LARGE1: variants seen among roughly 807,000 people sequenced by gnomAD.
LARGE1 encodes the protein xylosyl- and glucuronyltransferase LARGE1.
LARGE1 carries 43 observed loss-of-function variants against 87.6 expected under a neutral mutation model. The ratio of observed to expected loss-of-function variants is 0.49; its 90% CI spans 0.38 to 0.63. LARGE1 has a LOEUF of 0.63. Among genes scored for constraint, LARGE1 ranks in the 30% least tolerant of loss-of-function variants. The pLI, the probability that LARGE1 is intolerant of heterozygous loss-of-function variation, is 0.00. For missense variants in LARGE1, 802 were observed against 1,000.2 expected (o/e 0.80, Z 2.67); for synonymous variants, 434 against 394.6 (o/e 1.10, Z -1.18).
At chr22:33,234,739 C>G (rs767348460) in intron 11 of LARGE1, among the ~76,000 whole-genome samples, 54 of 152,040 alleles carry the variant, frequency 3.6e-4, no homozygotes, top group Non-Finnish European at 7.2e-4. Context: ...CAGGTTTTCT[C>G]CATGTTGGCC....
intron 6 of LARGE1, among the ~76,000 whole-genome samples, chr22:33,501,297 C>T (rs1435005406): frequency 2.6e-5 from 4 of 152,188 alleles, no homozygotes; most frequent in African/African-American, 7.2e-5. Context: ...GGGAAAGGGG[C>T]TGCTCCTCAC....
chr22:33,424,317 G>C (rs911380092), intron 7 of LARGE1, among the ~76,000 whole-genome samples: 14 of 152,286 alleles, frequency 9.2e-5, no homozygotes, highest in African/African-American at 3.1e-4. Flanking sequence ...CACTTCCAAA[G>C]AGAAAAAGTG....
intron 7 of LARGE1, among the ~76,000 whole-genome samples, chr22:33,415,323 G>T (rs2066447915): frequency 6.6e-6 from 1 of 152,230 alleles, no homozygotes; most frequent in South Asian, 2.1e-4. Flanking sequence ...AGCTAACCTG[G>T]AAATAGAATC....
intron 11 of LARGE1, chr22:33,221,790 C>T (rs1174431855): frequency 1.3e-5 from 2 of 152,240 alleles, no homozygotes; most frequent in African/African-American, 2.4e-5. Flanking sequence ...AGATATGAAA[C>T]TTCCTGAAAC....
At chr22:33,865,376 T>G (rs966368239) in intron 1 of LARGE1, among the ~76,000 whole-genome samples, 1 of 152,178 alleles carries the variant, frequency 6.6e-6, no homozygotes, top group African/African-American at 2.4e-5. Context: ...AACATCCTGG[T>G]AGGGAATATT....
chr22:33,508,719 C>T (rs1225838517), intron 6 of LARGE1, among the ~76,000 whole-genome samples: 2 of 152,182 alleles, frequency 1.3e-5, no homozygotes, highest in African/African-American at 4.8e-5. Flanking sequence ...CCCAACAGAA[C>T]AATCTCATCC....
intron 1 of LARGE1, among the ~76,000 whole-genome samples, chr22:33,867,565 T>C (rs1178861647): frequency 6.6e-6 from 1 of 152,176 alleles, no homozygotes; most frequent in East Asian, 1.9e-4. Context: ...AGGCAGCAAG[T>C]GGCACTATGC....
chr22:33,559,888 T>G (rs1381737442), intron 6 of LARGE1, among the ~76,000 whole-genome samples: 3 of 152,188 alleles, frequency 2.0e-5, no homozygotes, highest in Non-Finnish European at 4.4e-5. Context: ...TTTGCTTCCC[T>G]GCCTTTGTTC....
intron 3 of LARGE1, among the ~76,000 whole-genome samples, chr22:33,640,393 T>C (rs1001779043): frequency 1.3e-5 from 2 of 152,196 alleles, no homozygotes; most frequent in Admixed American, 1.3e-4. Flanking sequence ...AATAACTTTT[T>C]AAGAATCTAA....
At chr22:33,180,198 T>C in intron 11 of LARGE1, among the ~76,000 whole-genome samples, 1 of 152,128 alleles carries the variant, frequency 6.6e-6, no homozygotes, top group East Asian at 1.9e-4. Context: ...TATTTTGTAA[T>C]AGCAGCAGAA....
chr22:33,340,416 T>C (rs963831667), intron 9 of LARGE1, among the ~76,000 whole-genome samples: 32 of 151,740 alleles, frequency 2.1e-4, no homozygotes, highest in African/African-American at 7.1e-4. Context: ...AGGGGACAGG[T>C]TGAGTCCAGG....
At chr22:33,916,081 G>T (rs1439697649) in intron 1 of LARGE1, among the ~76,000 whole-genome samples, 1 of 152,102 alleles carries the variant, frequency 6.6e-6, no homozygotes, top group Non-Finnish European at 1.5e-5. Flanking sequence ...AGGAGTTCTA[G>T]ACCAGCCTGG....
chr22:33,588,280 G>A (rs923781361), intron 5 of LARGE1, among the ~76,000 whole-genome samples: 1 of 152,144 alleles, frequency 6.6e-6, no homozygotes, highest in African/African-American at 2.4e-5. Context: ...AGTACACAAG[G>A]ATCAATGTCA....
At chr22:33,330,514 G>C (rs739022) in intron 10 of LARGE1, among the ~76,000 whole-genome samples, 43,430 of 151,964 alleles carry the variant, frequency 0.29, 6,967 homozygotes, top group Non-Finnish European at 0.37. Context: ...TGAGGGGCTG[G>C]GTTGTTGAGG....
chr22:33,299,404 C>T (rs1380377615), intron 12 of LARGE1, among the ~76,000 whole-genome samples: 1 of 152,142 alleles, frequency 6.6e-6, no homozygotes, highest in Non-Finnish European at 1.5e-5. Context: ...GCAACATCAC[C>T]TACAATGTAG....
the LARGE1 span, among the ~76,000 whole-genome samples, chr22:33,070,493 C>T: frequency 1.3e-3 from 194 of 152,104 alleles, 2 homozygotes; most frequent in African/African-American, 4.5e-3. Flanking sequence ...TTTTAAAATC[C>T]TAAAGCAAAC....
chr22:33,849,477 G>A (rs1246027405), intron 1 of LARGE1, among the ~76,000 whole-genome samples: 1 of 151,944 alleles, frequency 6.6e-6, no homozygotes, highest in South Asian at 2.1e-4. Context: ...TCCTTCAAAC[G>A]AGGGATGCGA....
chr22:33,239,543 T>TTC (rs1460162819), intron 11 of LARGE1, among the ~76,000 whole-genome samples: 1 of 138,516 alleles, frequency 7.2e-6, no homozygotes, highest in African/African-American at 2.7e-5. Flanking sequence ...TTCTTTTTTT[T>TTC]TTTTTTTTTT....
chr22:33,644,291 A>G (rs2080538490), intron 3 of LARGE1, among the ~76,000 whole-genome samples: 1 of 152,238 alleles, frequency 6.6e-6, no homozygotes, highest in Admixed American at 6.5e-5. Flanking sequence ...CATTACATAA[A>G]CAGAACCAAT....
Sources: allele counts gnomAD v4.1 joint callset (sites outside exome capture counted in the v4.1 genomes callset), GRCh38; gene constraint gnomAD v4.1.1; transcripts MANE v1.5; gene names NCBI Gene and HGNC (gene_info 2026-07-23, HGNC 2026-07-21).